CYP3A7: variants seen among roughly 807,000 people sequenced by gnomAD.
CYP3A7 encodes cytochrome P450 family 3 subfamily A member 7.
CYP3A7 carries 45 observed loss-of-function variants against 55.2 expected under a neutral mutation model. The ratio of observed to expected loss-of-function variants is 0.82; its 90% confidence interval spans 0.64 to 1.05. CYP3A7 has a LOEUF of 1.05. Ranked by LOEUF, CYP3A7 falls within the 50% of genes least tolerant of loss-of-function variation. The probability of loss-of-function intolerance (pLI) is 0.00; values close to 1 mark genes in which losing one functional copy is unlikely to be tolerated. For synonymous variants in CYP3A7, 180 were observed against 207.4 expected (o/e 0.87, Z 1.13); for missense variants, 548 against 605.3 (o/e 0.91, Z 0.99).
intron 2 of CYP3A7, among the ~76,000 whole-genome samples, chr7:99,727,841 A>G (rs771933985): frequency 6.6e-6 from 1 of 152,142 alleles, no homozygotes; most frequent in East Asian, 1.9e-4. Flanking sequence ...CTGCACCACC[A>G]TGCTGTAATA....
At position 99,707,935 on chromosome 7, in the gene CYP3A7, T is replaced by C. The variant is rs756376760; in HGVS notation, c.1293A>G (p.Ile431Met). The C allele has an allele frequency of 7.4e-6, 12 of 1,613,866 alleles. No homozygotes were observed. The highest frequency in any genetic ancestry group is 8.5e-6 in the Non-Finnish European group (10 of 1,179,890). ...KKNKDNIDPY[I>M]YTPFGSGPRN... ...TGGGTCCACTTCCAAAGGGTGTGTA[T>C]ATGTAAGGATCTATGTTGTCCTTGT... is the stretch of plus-strand genomic sequence containing the variant. The change falls in exon 12 of 13, where the codon ATA becomes ATG. Residue 431 changes from isoleucine (I) to methionine (M), a missense_variant. By Grantham distance (10) the Ile-to-Met change is conservative. Transcript: ENST00000336374.
At chr7:99,714,440 C>G (rs1223395774) in intron 8 of CYP3A7, 115 bp downstream of exon 8, 17 of 1,483,072 alleles carry the variant, frequency 1.1e-5, no homozygotes, top group Non-Finnish European at 1.5e-5. Flanking sequence ...AACATAAGTA[C>G]TCTTTATGTT....
Position 99,717,549 on chromosome 7 carries a change from A to T in CYP3A7, c.409T>A (p.Phe137Ile). Residue 137 changes from phenylalanine to isoleucine, a missense_variant, in exon 5 of 13, where the codon TTC becomes ATC. Coordinates refer to ENST00000336374, the MANE Select transcript of CYP3A7 (RefSeq NM_000765.5). ...ACCTCCTTGAGTTTTCCGCTGGTGA[A>T]TGTTGGAGACAGCAATGATCGTATT... ...KRIRSLLSPT[F>I]TSGKLKEMVP... The T allele has an allele frequency of 6.2e-7, 1 of 1,613,724 alleles. No homozygotes were observed. The highest frequency in any genetic ancestry group is 8.5e-7 in the Non-Finnish European group (1 of 1,179,798).
intron 2 of CYP3A7, among the ~76,000 whole-genome samples, chr7:99,726,900 G>A (rs1814433655): frequency 6.6e-6 from 1 of 152,186 alleles, no homozygotes; most frequent in Non-Finnish European, 1.5e-5. Flanking sequence ...GGGTCTCCCT[G>A]CTGATCATGT....
intron 3 of CYP3A7, chr7:99,720,663 T>G: frequency 2.4e-6 from 1 of 420,738 alleles, no homozygotes; most frequent in Non-Finnish European, 4.4e-6. Flanking sequence ...AAAGAGCTCT[T>G]CAAAGAGATT....
intron 1 of CYP3A7, among the ~76,000 whole-genome samples, chr7:99,732,422 A>T (rs1398038997): frequency 6.6e-6 from 1 of 152,168 alleles, no homozygotes; most frequent in East Asian, 1.9e-4. Context: ...GAAAAGACTA[A>T]TACAGCCAGA....
chr7:99,705,222 G>A lies in CYP3A7; in HGVS notation c.*278C>T. 1 of 353,550 alleles carries A rather than the reference G, an allele frequency of 2.8e-6. No homozygotes were observed. Among genetic ancestry groups the A allele is most frequent in the Non-Finnish European group, 5.3e-6 (1 of 188,994 alleles). 21.9% of individuals were successfully genotyped at this position (353,550 alleles called of 1,614,324 possible). Reference sequence around the variant, plus strand: ...TTATCAGAGCTCAGGAGGAGTTAATGGTGCTAACTGGGGGTGGTGGAGATA... The same window carrying A: ...TTATCAGAGCTCAGGAGGAGTTAATAGTGCTAACTGGGGGTGGTGGAGATA... On this transcript the variant is annotated 3_prime_UTR_variant, in exon 13 of 13. Coordinates refer to ENST00000336374, the MANE Select transcript of CYP3A7 (RefSeq NM_000765.5).
At chr7:99,718,256 A>T (rs147054057) in intron 4 of CYP3A7, among the ~76,000 whole-genome samples, 21 of 152,272 alleles carry the variant, frequency 1.4e-4, no homozygotes, top group African/African-American at 4.8e-4. Flanking sequence ...CATGTACCCT[A>T]AAAAAAGTAT....
At chr7:99,718,204 A>G (rs1222723374) in intron 4 of CYP3A7, among the ~76,000 whole-genome samples, 1 of 152,186 alleles carries the variant, frequency 6.6e-6, no homozygotes, top group Non-Finnish European at 1.5e-5. Context: ...GCACACCAAC[A>G]TGGCACATGC....
rs78380902 is a variant in CYP3A7 at position 99,714,698 on chromosome 7, A to G, written c.671-16T>C. 46,887 of 1,609,706 alleles carry G rather than the reference A, an allele frequency of 0.029. 766 individuals are homozygous for G. The highest frequency in any genetic ancestry group is 0.053 in the Middle Eastern group (316 of 5,962). On this transcript the variant is annotated splice_polypyrimidine_tract_variant and intron_variant, in intron 7 of 12. Coordinates refer to ENST00000336374, the MANE Select transcript of CYP3A7 (RefSeq NM_000765.5). ...GGAAAGACTTCTGTAGAAAAAAAAA[A>G]CCAACAGAAAACGAAACCATTGTGA...
chr7:99,708,971 G>C (rs568103364), intron 11 of CYP3A7, 64 bp downstream of exon 11: 1 of 1,566,624 alleles, frequency 6.4e-7, no homozygotes, highest in South Asian at 1.1e-5. Context: ...CTGTCCTGTA[G>C]AGAGGCAGAA....
At chr7:99,724,425 C>G (rs1304274351) in intron 2 of CYP3A7, among the ~76,000 whole-genome samples, 1 of 152,158 alleles carries the variant, frequency 6.6e-6, no homozygotes, top group African/African-American at 2.4e-5. Flanking sequence ...ACATCAGTCT[C>G]TCCCTAGTCT....
chr7:99,717,925 A>T (rs1273933949), intron 4 of CYP3A7, among the ~76,000 whole-genome samples: 1 of 152,166 alleles, frequency 6.6e-6, no homozygotes, highest in Non-Finnish European at 1.5e-5. Context: ...GCACGCGTGC[A>T]GTGTAGAGAG....
chr7:99,729,106 C>T (rs1182138042), intron 2 of CYP3A7, among the ~76,000 whole-genome samples: 1 of 152,270 alleles, frequency 6.6e-6, no homozygotes, highest in East Asian at 1.9e-4. Context: ...TTTGGACCCA[C>T]CTGGACACTT....
chr7:99,727,342 C>G (rs1234688660), intron 2 of CYP3A7, among the ~76,000 whole-genome samples: 2 of 152,222 alleles, frequency 1.3e-5, no homozygotes, highest in Non-Finnish European at 2.9e-5. Flanking sequence ...ACAAACTATG[C>G]TCAACTCACT....
rs1813829511 is a variant in CYP3A7, at chr7:99,713,464, G to A, written c.865+5C>T. On this transcript the variant is annotated splice_donor_5th_base_variant and intron_variant, in intron 9 of 12. Transcript: ENST00000336374. ...CAGTAGCCCTCAGAAGCACTCTTTTGTTACCTTTGTGGGTCTCAGAGTCTT... is the reference window on the plus strand; with the variant it reads ...CAGTAGCCCTCAGAAGCACTCTTTTATTACCTTTGTGGGTCTCAGAGTCTT... The A allele has an allele frequency of 6.2e-7, 1 of 1,613,292 alleles. No homozygotes were observed.
At chr7:99,731,585 TG>T (rs1814622985) in intron 1 of CYP3A7, among the ~76,000 whole-genome samples, 1 of 152,206 alleles carries the variant, frequency 6.6e-6, no homozygotes, top group Non-Finnish European at 1.5e-5. Context: ...GATGAGATTT[TG>T]CATCACTGCA....
rs569363451 is a variant in CYP3A7 at position 99,734,382 on chromosome 7, C to A, written c.71+641G>T. ...TGAGAAGATTCACCCTCTTCTCCTG[C>A]AACTTAAAGGGAAAAATGTAAAATC... On this transcript the variant is annotated intron_variant, in intron 1 of 12. Transcript: ENST00000336374. Among the ~76,000 whole-genome samples the A allele has an allele frequency of 5.9e-5, 9 of 152,198 alleles. No individual in the cohort carries two copies. The South Asian group carries it at 1.7e-3, about 28-fold the overall frequency.
chr7:99,718,656 G>A (rs2151516507), intron 4 of CYP3A7, among the ~76,000 whole-genome samples: 1 of 152,158 alleles, frequency 6.6e-6, no homozygotes, highest in African/African-American at 2.4e-5. Flanking sequence ...ACATTTATTT[G>A]ACATTATACT....
Sources: allele counts gnomAD v4.1 joint callset (sites outside exome capture counted in the v4.1 genomes callset), GRCh38; gene constraint gnomAD v4.1.1; transcripts MANE v1.5; gene names NCBI Gene and HGNC (gene_info 2026-07-23, HGNC 2026-07-21).